The following USP45 variants were observed in gnomAD, a reference collection of about 807,000 sequenced individuals.
USP45 encodes ubiquitin specific peptidase 45, also known as ubiquitin carboxyl-terminal hydrolase 45.
A neutral mutation model predicts 95.8 loss-of-function variants in USP45; 89 were observed. The ratio of observed to expected loss-of-function variants is 0.93; its 90% CI spans 0.78 to 1.11. The LOEUF is 1.11. Ranked by LOEUF, USP45 falls within the 50% of genes least tolerant of loss-of-function variation. The probability of loss-of-function intolerance (pLI) is 0.00; values close to 1 mark genes in which losing one functional copy is unlikely to be tolerated. For synonymous variants in USP45, 281 were observed against 316.2 expected (o/e 0.89, Z 1.18); for missense variants, 898 against 942.5 (o/e 0.95, Z 0.62).
chr6:99,470,939 A>C (rs938436185), intron 9 of USP45, among the ~76,000 whole-genome samples: 4 of 152,188 alleles, frequency 2.6e-5, no homozygotes, highest in African/African-American at 9.6e-5. Flanking sequence ...TTACTAATTC[A>C]GACATGATTT....
chr6:99,510,871 C>G (rs1278370097), intron 1 of USP45, among the ~76,000 whole-genome samples: 1 of 152,140 alleles, frequency 6.6e-6, no homozygotes, highest in East Asian at 1.9e-4. Flanking sequence ...AGTATTGCTT[C>G]TGGATAATGA....
chr6:99,499,560 ATAATGACATCTTGCCCT>A (rs1284576289), intron 5 of USP45, among the ~76,000 whole-genome samples: 2 of 152,192 alleles, frequency 1.3e-5, no homozygotes, highest in African/African-American at 2.4e-5. Context: ...ACCCACAGGG[ATAATGACATCTTGCCCT>A]AGAACTGCCA....
intron 4 of USP45, among the ~76,000 whole-genome samples, chr6:99,506,772 C>T (rs1265100948): frequency 6.6e-6 from 1 of 152,194 alleles, no homozygotes; most frequent in Non-Finnish European, 1.5e-5. Context: ...CCCAGCTCTT[C>T]CCTCTCCCTT....
chr6:99,488,936 T>C (rs990573733), intron 5 of USP45, 116 bp from the exon 6 acceptor site: 3 of 801,952 alleles, frequency 3.7e-6, no homozygotes, highest in Non-Finnish European at 5.3e-6. Context: ...CCTGAATCAG[T>C]GTTCCTGAAG....
At chr6:99,482,666 C>T (rs1792703402) in intron 8 of USP45, 87 bp downstream of exon 8, 6 of 1,307,018 alleles carry the variant, frequency 4.6e-6, no homozygotes, top group Non-Finnish European at 6.1e-6. Context: ...AGCAAAGTTA[C>T]AGTAAAAACG....
rs749619784 is a variant in USP45, at chr6:99,507,487, A to C, written c.318T>G (p.Phe106Leu). ...NSESQHSLKH[F>L]KSSRTEPHCI... The stretch of plus-strand genomic sequence containing the variant: ...AATGGGGCTCTGTTCTGGAACTCTT[A>C]AAGTGCTTCAATGAATGTTGGCTTT... Residue 106 changes from phenylalanine to leucine, a missense_variant, in exon 4 of 18, where the codon TTT becomes TTG. Physicochemically the swap from Phe to Leu is conservative, Grantham distance 22. Transcript: ENST00000500704. The C allele has an allele frequency of 6.2e-7, 1 of 1,613,306 alleles. No homozygotes were observed. The highest frequency in any genetic ancestry group is 8.5e-7 in the Non-Finnish European group (1 of 1,179,680).
intron 13 of USP45, among the ~76,000 whole-genome samples, chr6:99,447,655 T>C (rs1782828339): frequency 6.6e-6 from 1 of 152,186 alleles, no homozygotes; most frequent in Non-Finnish European, 1.5e-5. Flanking sequence ...CAGAAACCCC[T>C]GCAGACTTGA....
chr6:99,507,425 T>C lies in USP45; in HGVS notation c.377+3A>G, dbSNP rs1199217448. ...ACACAAGAACTAACAAAATTTAACT[T>C]ACCATATAATCCATGTGCTCAGATT... On this transcript the variant is annotated splice_donor_region_variant and intron_variant, in intron 4 of 17. Transcript: ENST00000500704. 2 of 1,581,274 alleles carry C rather than the reference T, an allele frequency of 1.3e-6. No homozygotes were observed. Among genetic ancestry groups the C allele is most frequent in the Middle Eastern group, 3.4e-4 (2 of 5,952 alleles).
At chr6:99,461,237 C>T in intron 13 of USP45, 1 of 985,244 alleles carries the variant, frequency 1.0e-6, no homozygotes, top group Non-Finnish European at 1.2e-6. Context: ...TTGAGATTTT[C>T]CAGTCTCTAC....
Position 99,465,153 on chromosome 6 carries a change from AT to A in USP45, c.1108-18del. On this transcript the variant is annotated intron_variant, in intron 11 of 17. Coordinates refer to ENST00000500704, the MANE Select transcript of USP45 (RefSeq NM_001346022.3). Reference sequence around the variant, plus strand: ...CGTGGAGATCTTAAAAGGAAAACACATTGAAAACTTCAGTTAGAATTCTAAT... The same window carrying A: ...CGTGGAGATCTTAAAAGGAAAACACATGAAAACTTCAGTTAGAATTCTAAT... 1.3e-6 allele frequency: 2 copies of A among 1,573,274 alleles called. No homozygotes were observed. The highest frequency in any genetic ancestry group is 1.7e-6 in the Non-Finnish European group (2 of 1,155,718).
intron 8 of USP45, among the ~76,000 whole-genome samples, chr6:99,481,168 T>C (rs898515369): frequency 2.0e-5 from 3 of 152,198 alleles, no homozygotes; most frequent in African/African-American, 7.2e-5. Context: ...ATCCTACAGA[T>C]GTACTTCCGC....
intron 13 of USP45, among the ~76,000 whole-genome samples, chr6:99,457,010 C>A (rs1370232323): frequency 6.6e-6 from 1 of 152,184 alleles, no homozygotes; most frequent in Non-Finnish European, 1.5e-5. Context: ...ATGGTCGAGA[C>A]TGCAGGGATG....
intron 13 of USP45, chr6:99,461,430 T>G: frequency 1.0e-6 from 1 of 985,424 alleles, no homozygotes; most frequent in South Asian, 4.7e-5. Context: ...TTACTCTGTT[T>G]ACGTATCTGC....
Position 99,488,614 on chromosome 6 carries a change from G to A in USP45, c.618+67C>T, listed in dbSNP as rs1794517059. The A allele has an allele frequency of 2.7e-6, 4 of 1,479,216 alleles. No homozygotes were observed. The South Asian group carries it at 3.8e-5, about 14-fold the overall frequency. The allele number at this position is 1,479,216 out of a possible 1,614,324, so 91.6% of individuals were successfully genotyped here. ...TTAGCAGTCATTTGACAGTCTACAG[G>A]TGAGCCAATGACTACATAAATTAAG... is the stretch of plus-strand genomic sequence containing the variant. On this transcript the variant is annotated intron_variant, in intron 6 of 17. Coordinates refer to ENST00000500704, the MANE Select transcript of USP45 (RefSeq NM_001346022.3).
At chr6:99,480,957 G>A (rs1792259158) in intron 8 of USP45, among the ~76,000 whole-genome samples, 1 of 152,076 alleles carries the variant, frequency 6.6e-6, no homozygotes, top group African/African-American at 2.4e-5. Context: ...AAACTTTTCA[G>A]CCAAGCATGG....
chr6:99,510,372 C>T (rs1799516734), intron 1 of USP45, 142 bp from the exon 2 acceptor site: 1 of 608,380 alleles, frequency 1.6e-6, no homozygotes, highest in Admixed American at 3.0e-5. Context: ...AGGGGAACAT[C>T]ACTTGAAATG....
chr6:99,446,991 AC>A (rs1316133043), intron 13 of USP45, among the ~76,000 whole-genome samples: 1 of 152,120 alleles, frequency 6.6e-6, no homozygotes. Context: ...CAATCCTCCC[AC>A]CTTGGCTTCC....
At chr6:99,457,337 G>C (rs1172412299) in intron 13 of USP45, among the ~76,000 whole-genome samples, 1 of 152,088 alleles carries the variant, frequency 6.6e-6, no homozygotes, top group Non-Finnish European at 1.5e-5. Context: ...TTTGCGGCTT[G>C]TGGGGCATCA....
At chr6:99,514,565 C>T (rs904644967) in intron 1 of USP45, among the ~76,000 whole-genome samples, 1 of 152,184 alleles carries the variant, frequency 6.6e-6, no homozygotes, top group Non-Finnish European at 1.5e-5. Flanking sequence ...GTTTTCAAGT[C>T]ACCATCACTT....
Sources: allele counts gnomAD v4.1 joint callset (sites outside exome capture counted in the v4.1 genomes callset), GRCh38; gene constraint gnomAD v4.1.1; transcripts MANE v1.5; gene names NCBI Gene and HGNC (gene_info 2026-07-23, HGNC 2026-07-21).